ATP2B2: variants seen among roughly 807,000 people sequenced by gnomAD.
ATP2B2 encodes the protein plasma membrane calcium-transporting ATPase 2.
In ATP2B2, 15 loss-of-function variants were observed where a neutral mutation model predicts 120.0. The observed-to-expected ratio is 0.12, with a 90% CI of 0.08 to 0.19. The LOEUF is 0.19. Ranked by LOEUF, ATP2B2 falls within the 10% of genes least tolerant of loss-of-function variation. ATP2B2 has a pLI of 1.00. For synonymous variants in ATP2B2, 694 were observed against 700.3 expected, an observed-to-expected ratio of 0.99 and a Z score of 0.14; for missense variants, 1,045 against 1,719.8, an observed-to-expected ratio of 0.61 and a Z score of 6.94.
intron 2 of ATP2B2, among the ~76,000 whole-genome samples, chr3:10,440,981 T>C (rs1028807639): frequency 2.0e-5 from 3 of 152,238 alleles, no homozygotes; most frequent in Non-Finnish European, 4.4e-5. Flanking sequence ...GTTCAATGCA[T>C]GTTAATTATT....
At chr3:10,580,923 T>C (rs1440006034) in intron 2 of ATP2B2, among the ~76,000 whole-genome samples, 1 of 152,246 alleles carries the variant, frequency 6.6e-6, no homozygotes, top group African/African-American at 2.4e-5. Flanking sequence ...ACAGAAGTCA[T>C]CTAACTTGCA....
At chr3:10,392,266 G>A (rs2061877721) in intron 5 of ATP2B2, among the ~76,000 whole-genome samples, 1 of 152,102 alleles carries the variant, frequency 6.6e-6, no homozygotes, top group Non-Finnish European at 1.5e-5. Context: ...ATTTATAATT[G>A]GGAATACCAA....
chr3:10,486,285 C>G (rs2065650882), intron 1 of ATP2B2, among the ~76,000 whole-genome samples: 2 of 151,694 alleles, frequency 1.3e-5, no homozygotes, highest in Admixed American at 1.3e-4. Context: ...AATGAGATGA[C>G]AATCTGTTTT....
chr3:10,364,650 G>A (rs189741592), intron 12 of ATP2B2, among the ~76,000 whole-genome samples: 6 of 152,216 alleles, frequency 3.9e-5, no homozygotes, highest in South Asian at 2.1e-4. Context: ...GGCGGAGGTT[G>A]CAGTGAGCCA....
At chr3:10,487,708 CAG>C (rs569184476) in intron 1 of ATP2B2, among the ~76,000 whole-genome samples, 1 of 152,176 alleles carries the variant, frequency 6.6e-6, no homozygotes, top group Non-Finnish European at 1.5e-5. Context: ...GGAAAGGAAA[CAG>C]AGAGAATTGG....
At chr3:10,568,494 T>C (rs2125540757) in intron 2 of ATP2B2, among the ~76,000 whole-genome samples, 1 of 152,324 alleles carries the variant, frequency 6.6e-6, no homozygotes, top group Middle Eastern at 3.4e-3. Context: ...TCTCTAAGCT[T>C]GAAACAGACA....
intron 1 of ATP2B2, among the ~76,000 whole-genome samples, chr3:10,645,274 A>C (rs1180255266): frequency 6.6e-6 from 1 of 152,250 alleles, no homozygotes; most frequent in Non-Finnish European, 1.5e-5. Context: ...GGTTGTACTC[A>C]AAATAAGCTA....
At position 10,397,937 on chromosome 3, in the gene ATP2B2, C is replaced by T. The variant is rs540261244; in HGVS notation, c.781+3016G>A. ...GCTTTCTATGGAGCCAGCTATGCCC[C>T]TTTATCACTTTCTCCCTATGAGTTT... On this transcript the variant is annotated intron_variant, in intron 5 of 22. Transcript: ENST00000360273. 1.4e-4 allele frequency among the ~76,000 whole-genome samples: 21 copies of T among 152,308 alleles called. No homozygotes were observed. The South Asian group carries it at 4.1e-3, about 30-fold the overall frequency.
At chr3:10,497,472 T>C (rs1283263713) in intron 1 of ATP2B2, among the ~76,000 whole-genome samples, 1 of 152,274 alleles carries the variant, frequency 6.6e-6, no homozygotes, top group Admixed American at 6.5e-5. Context: ...GTATCATTTA[T>C]TGAACTAGAA....
intron 1 of ATP2B2, among the ~76,000 whole-genome samples, chr3:10,686,226 C>T (rs1259967268): frequency 6.6e-6 from 1 of 152,032 alleles, no homozygotes; most frequent in Non-Finnish European, 1.5e-5. Flanking sequence ...CAGAAAAGCA[C>T]CAAGAGATCA....
chr3:10,346,258 G>GC lies in ATP2B2; in HGVS notation c.2405-122dup. 1 of 922,848 alleles carries GC rather than the reference G, an allele frequency of 1.1e-6. No individual in the cohort carries two copies. Among genetic ancestry groups the GC allele is most frequent in the Non-Finnish European group, 1.7e-6 (1 of 587,732 alleles). The allele number at this position is 922,848 out of a possible 1,614,324, so 57.2% of individuals were successfully genotyped here. A position where few individuals can be genotyped will look rare whatever the true frequency, so the allele number is the denominator to read the frequency against. On this transcript the variant is annotated intron_variant, in intron 16 of 22. Coordinates refer to ENST00000360273, the MANE Select transcript of ATP2B2 (RefSeq NM_001001331.4). The surrounding 1 kb of genome is among the most constrained non-coding windows in gnomAD (Gnocchi z 4.1). ...CTTCCTCTCTGGTCCCTGTCCAGCC[G>GC]CCCCCTCCATCCAGGCTCTTCCCAG...
At chr3:10,369,447 C>T (rs540422173) in intron 12 of ATP2B2, among the ~76,000 whole-genome samples, 10 of 152,330 alleles carry the variant, frequency 6.6e-5, no homozygotes, top group South Asian at 2.1e-4. Flanking sequence ...CTAGTCTGGA[C>T]ATCAGACTCA....
intron 5 of ATP2B2, among the ~76,000 whole-genome samples, chr3:10,399,844 C>T (rs577991702): frequency 1.8e-4 from 27 of 152,352 alleles, no homozygotes; most frequent in African/African-American, 5.0e-4. Context: ...CCCAGCTCAA[C>T]GCCACCTCCT....
chr3:10,700,787 G>A (rs2071805091), intron 1 of ATP2B2, among the ~76,000 whole-genome samples: 2 of 152,216 alleles, frequency 1.3e-5, no homozygotes, highest in African/African-American at 4.8e-5. Context: ...GTCCATCATG[G>A]GTTGGCTGTG....
chr3:10,610,588 G>C (rs1575555139), intron 2 of ATP2B2, among the ~76,000 whole-genome samples: 1 of 152,280 alleles, frequency 6.6e-6, no homozygotes, highest in East Asian at 1.9e-4. Flanking sequence ...GGAATGATAG[G>C]TTCCAAATTA....
rs141187254 is a variant in ATP2B2, at chr3:10,358,178, G to A, written c.2136+513C>T. On this transcript the variant is annotated intron_variant, in intron 14 of 22. Transcript: ENST00000360273. ...TGTGTTCCTAGGCCAGCTTGCTGGG[G>A]TAAACTGGCTGGTAAACTGCATCTG... Among the ~76,000 whole-genome samples the A allele has an allele frequency of 8.8e-4, 134 of 152,350 alleles. 1 individual carries two copies. The highest frequency in any genetic ancestry group is 3.2e-3 in the African/African-American group (131 of 41,580).
intron 22 of ATP2B2, 129 bp downstream of exon 22, chr3:10,338,047 G>A (rs547732520): frequency 4.9e-6 from 6 of 1,233,480 alleles, no homozygotes; most frequent in East Asian, 5.0e-5. Context: ...AGAGCTGGCC[G>A]GGACCCCTCT....
At chr3:10,573,051 C>A (rs1387837251) in intron 2 of ATP2B2, among the ~76,000 whole-genome samples, 2 of 152,142 alleles carry the variant, frequency 1.3e-5, no homozygotes, top group African/African-American at 4.8e-5. Flanking sequence ...ACAATCAACA[C>A]ACAAAGCAAT....
chr3:10,445,488 G>A (rs756134937), intron 2 of ATP2B2, among the ~76,000 whole-genome samples: 5 of 152,216 alleles, frequency 3.3e-5, no homozygotes, highest in Non-Finnish European at 7.3e-5. Flanking sequence ...TGGGGGTAGA[G>A]GCTGCCCTTG....
Sources: allele counts gnomAD v4.1 joint callset (sites outside exome capture counted in the v4.1 genomes callset), GRCh38; gene constraint gnomAD v4.1.1; non-coding constraint Gnocchi (gnomAD v3.1); transcripts MANE v1.5; gene names NCBI Gene and HGNC (gene_info 2026-07-23, HGNC 2026-07-21).